The following PHKB variants were observed in gnomAD, a reference collection of about 807,000 sequenced individuals.
PHKB encodes phosphorylase kinase regulatory subunit beta.
PHKB carries 122 observed loss-of-function variants against 152.1 expected under a neutral mutation model. The observed-to-expected ratio is 0.80, with a 90% CI of 0.69 to 0.93. The LOEUF (loss-of-function observed/expected upper bound fraction) is 0.93. Ranked by LOEUF, PHKB falls within the 40% of genes least tolerant of loss-of-function variation. The probability of loss-of-function intolerance (pLI) is 0.00; values close to 1 mark genes in which losing one functional copy is unlikely to be tolerated. For synonymous variants in PHKB, 436 were observed against 464.9 expected (o/e 0.94, Z 0.80); for missense variants, 1,304 against 1,328.4 (o/e 0.98, Z 0.29).
At chr16:47,596,271 C>A in intron 12 of PHKB, 102 bp from the exon 13 acceptor site, 1 of 830,302 alleles carries the variant, frequency 1.2e-6, no homozygotes, top group South Asian at 1.6e-5. Context: ...AAAACTCCTT[C>A]CTTTATAAAT....
At chr16:47,524,941 A>T (rs531340641) in intron 6 of PHKB, among the ~76,000 whole-genome samples, 4 of 152,316 alleles carry the variant, frequency 2.6e-5, no homozygotes, top group Admixed American at 6.5e-5. Context: ...ATCTTTTAAA[A>T]TTTTTTTAAA....
At position 47,515,605 on chromosome 16, in the gene PHKB, T is replaced by A. The variant is rs527478463; in HGVS notation, c.594+4T>A. ...GATTATCTACAACACTGATGAGGTA[T>A]GCTTTCCCCAAATTTTCTATTACTA... On this transcript the variant is annotated splice_donor_region_variant and intron_variant, in intron 6 of 30. Transcript: ENST00000323584. The A allele has an allele frequency of 8.0e-7, 1 of 1,252,938 alleles. No individual in the cohort carries two copies. The highest frequency in any genetic ancestry group is 1.5e-5 in the African/African-American group (1 of 68,340). 77.6% of individuals were successfully genotyped at this position (1,252,938 alleles called of 1,614,324 possible). A position where few individuals can be genotyped will look rare whatever the true frequency, so the allele number is the denominator to read the frequency against.
intron 7 of PHKB, among the ~76,000 whole-genome samples, chr16:47,556,953 T>C (rs1176173468): frequency 6.6e-6 from 1 of 152,224 alleles, no homozygotes; most frequent in Non-Finnish European, 1.5e-5. Context: ...CAGATCCTGT[T>C]ATTGGTCTAT....
At chr16:47,565,499 C>G in intron 7 of PHKB, 1 of 1,351,724 alleles carries the variant, frequency 7.4e-7, no homozygotes, top group South Asian at 1.2e-5. Context: ...GCTGGCATTA[C>G]CTTTAGGGGC....
At chr16:47,489,579 T>G (rs1328080386) in intron 1 of PHKB, among the ~76,000 whole-genome samples, 1 of 152,234 alleles carries the variant, frequency 6.6e-6, no homozygotes, top group Non-Finnish European at 1.5e-5. Flanking sequence ...GCCATGGGTT[T>G]GTATCCTCAA....
chr16:47,641,058 A>G lies in PHKB; in HGVS notation c.1482A>G (p.Val494=), dbSNP rs1189859245. 2 of 1,613,980 alleles carry G rather than the reference A, an allele frequency of 1.2e-6. No homozygotes were observed. Among genetic ancestry groups the G allele is most frequent in the Non-Finnish European group, 1.7e-6 (2 of 1,179,922 alleles). ...AGGGCCCACTGGAAAATGACTTGGT[A>G]GTTCATGTGGCACTTATAGCAGAAA... ...SNQGPLENDL[V]VHVALIAESQ... is the part of the protein sequence containing the mutation. Residue 494 remains valine, a synonymous_variant, in exon 15 of 31, where the codon GTA becomes GTG. Coordinates refer to ENST00000323584, the MANE Select transcript of PHKB (RefSeq NM_000293.3).
rs1247017369 is a variant in PHKB at position 47,565,977 on chromosome 16, C to T, written c.711-14318C>T. The T allele has an allele frequency of 5.0e-6, 4 of 803,162 alleles. No individual in the cohort carries two copies. The South Asian group carries it at 5.0e-5, about 10-fold the overall frequency. 49.8% of individuals were successfully genotyped at this position (803,162 alleles called of 1,614,324 possible). On this transcript the variant is annotated intron_variant, in intron 7 of 30. Coordinates refer to ENST00000323584, the MANE Select transcript of PHKB (RefSeq NM_000293.3). ...ATCCCAAGAGTAATCATCTCTGGAGCTCTATGACCGATCATCCCGTCTGTT... is the reference window on the plus strand; with the variant it reads ...ATCCCAAGAGTAATCATCTCTGGAGTTCTATGACCGATCATCCCGTCTGTT...
chr16:47,664,337 C>T (rs758601365), intron 24 of PHKB: 1 of 157,770 alleles, frequency 6.3e-6, no homozygotes, highest in Non-Finnish European at 1.4e-5. Context: ...AACAGTTTTA[C>T]TAGCAGAATC....
At chr16:47,669,109 A>T in intron 25 of PHKB, 106 bp from the exon 26 acceptor site, 1 of 793,546 alleles carries the variant, frequency 1.3e-6, no homozygotes, top group Non-Finnish European at 2.2e-6. Context: ...TCCCTAGCTT[A>T]TATAGAGTAA....
intron 7 of PHKB, among the ~76,000 whole-genome samples, chr16:47,559,158 A>G (rs1214035600): frequency 6.6e-6 from 1 of 152,224 alleles, no homozygotes; most frequent in Non-Finnish European, 1.5e-5. Flanking sequence ...TTCTTAAGGA[A>G]GAAAGCAAGT....
chr16:47,688,117 A>G (rs1231800872), intron 26 of PHKB, among the ~76,000 whole-genome samples: 3 of 152,206 alleles, frequency 2.0e-5, no homozygotes, highest in Non-Finnish European at 2.9e-5. Context: ...GAAAGGCAGC[A>G]TGGGTGAATA....
At chr16:47,681,478 G>A (rs1048176607) in intron 26 of PHKB, among the ~76,000 whole-genome samples, 3 of 149,860 alleles carry the variant, frequency 2.0e-5, no homozygotes, top group African/African-American at 7.3e-5. Flanking sequence ...TATATATTTA[G>A]GATAGTTAGC....
intron 1 of PHKB, among the ~76,000 whole-genome samples, chr16:47,480,777 G>A (rs1459902688): frequency 6.6e-6 from 1 of 151,958 alleles, no homozygotes; most frequent in Non-Finnish European, 1.5e-5. Context: ...TAGACGTAAT[G>A]TTCACCCATA....
chr16:47,659,017 A>G (rs945811008), intron 20 of PHKB, among the ~76,000 whole-genome samples: 1 of 152,228 alleles, frequency 6.6e-6, no homozygotes, highest in Admixed American at 6.5e-5. Flanking sequence ...AGCAAGATGT[A>G]TACATGCTAG....
intron 7 of PHKB, chr16:47,566,689 G>A (rs1050499251): frequency 1.7e-5 from 14 of 817,284 alleles, no homozygotes; most frequent in African/African-American, 1.0e-4. Flanking sequence ...AGGATGGAAC[G>A]GTCAATTGGA....
At chr16:47,469,578 G>A (rs1969728057) in intron 1 of PHKB, among the ~76,000 whole-genome samples, 3 of 151,900 alleles carry the variant, frequency 2.0e-5, no homozygotes, top group Admixed American at 2.0e-4. Flanking sequence ...CATGGCAACA[G>A]TAGAAACTGG....
intron 8 of PHKB, among the ~76,000 whole-genome samples, chr16:47,582,319 C>A (rs1181162926): frequency 6.6e-6 from 1 of 152,114 alleles, no homozygotes; most frequent in Non-Finnish European, 1.5e-5. Context: ...TGTGTATACT[C>A]ACACACATAC....
chr16:47,489,979 C>T (rs996863551), intron 1 of PHKB, among the ~76,000 whole-genome samples: 3 of 152,156 alleles, frequency 2.0e-5, no homozygotes, highest in Non-Finnish European at 4.4e-5. Flanking sequence ...ATTTTGTTCA[C>T]AGGAATATAC....
At chr16:47,498,924 A>G (rs751125377) in intron 2 of PHKB, among the ~76,000 whole-genome samples, 1 of 152,136 alleles carries the variant, frequency 6.6e-6, no homozygotes, top group South Asian at 2.1e-4. Flanking sequence ...GTAGTTGCCA[A>G]TCTAGATAAG....
Sources: gnomAD v4.1 joint callset for allele counts (sites outside exome capture counted in the v4.1 genomes callset) on GRCh38, gnomAD v4.1.1 for gene constraint, MANE v1.5 for transcripts, NCBI Gene and HGNC (gene_info 2026-07-23, HGNC 2026-07-21) for gene names.